Variants in TRIM37 observed in about 807,000 individuals in gnomAD.
TRIM37 encodes the protein E3 ubiquitin-protein ligase TRIM37.
TRIM37 carries 80 observed loss-of-function variants against 129.8 expected under a neutral mutation model. The observed-to-expected ratio is 0.62, with a 90% CI of 0.51 to 0.74. The LOEUF is 0.74. TRIM37 is among the 30% of genes least tolerant of loss of function. The probability of loss-of-function intolerance (pLI) is 0.00; values close to 1 mark genes in which losing one functional copy is unlikely to be tolerated. For synonymous variants in TRIM37, 389 were observed against 387.1 expected, an observed-to-expected ratio of 1.00 and a Z score of -0.06; for missense variants, 1,054 against 1,176.5, an observed-to-expected ratio of 0.90 and a Z score of 1.52.
At chr17:59,051,445 T>TA (rs2040337067) in intron 13 of TRIM37, 117 bp from the exon 14 acceptor site, 1 of 722,092 alleles carries the variant, frequency 1.4e-6, no homozygotes, top group Middle Eastern at 2.3e-4. Context: ...CACATAAACT[T>TA]AGAGCTGCTA....
In TRIM37 at chr17:59,049,495, T is replaced by C. The variant is rs2040146114; in HGVS notation, c.1315-102A>G. 36 of 1,036,526 alleles carry C rather than the reference T, an allele frequency of 3.5e-5. No individual in the cohort carries two copies. In the East Asian group the frequency reaches 8.9e-4, roughly 26 times the overall value. The allele number at this position is 1,036,526 out of a possible 1,614,324, so 64.2% of individuals were successfully genotyped here. On this transcript the variant is annotated intron_variant, in intron 14 of 23. Transcript: ENST00000262294. Reference sequence around the variant, plus strand: ...TGCATCCAGATGTTTCTAAAACCATTGCTTTATTTATTTTTTGAGAATGGT... The same window carrying C: ...TGCATCCAGATGTTTCTAAAACCATCGCTTTATTTATTTTTTGAGAATGGT...
At chr17:58,988,078 A>G (rs1441045104) in intron 24 of TRIM37, among the ~76,000 whole-genome samples, 2 of 152,216 alleles carry the variant, frequency 1.3e-5, no homozygotes, top group African/African-American at 4.8e-5. Context: ...CTGCAAGGGG[A>G]GAGAAGACAT....
chr17:59,097,668 A>T (rs891719133), intron 2 of TRIM37, among the ~76,000 whole-genome samples: 2 of 152,300 alleles, frequency 1.3e-5, no homozygotes, highest in African/African-American at 4.8e-5. Context: ...CAGGAAGTTG[A>T]GGCTGCAGTG....
chr17:59,077,253 C>T (rs925817643), intron 7 of TRIM37, among the ~76,000 whole-genome samples: 2 of 151,320 alleles, frequency 1.3e-5, no homozygotes, highest in Non-Finnish European at 2.9e-5. Flanking sequence ...CACTATCACA[C>T]CTGGCTAATT....
chr17:58,985,385 A>C (rs544097735), intron 24 of TRIM37, among the ~76,000 whole-genome samples: 2 of 152,320 alleles, frequency 1.3e-5, no homozygotes, highest in Admixed American at 1.3e-4. Context: ...TGTTCTCTTC[A>C]TTAGCTGAAC....
At chr17:58,983,248 G>A (rs981645554) in intron 24 of TRIM37, 28 of 223,470 alleles carry the variant, frequency 1.3e-4, no homozygotes, top group Non-Finnish European at 2.5e-4. Flanking sequence ...TAGTGTGGTC[G>A]TTATAAACCA....
intron 24 of TRIM37, among the ~76,000 whole-genome samples, chr17:58,988,656 T>C (rs2032046697): frequency 6.6e-6 from 1 of 152,058 alleles, no homozygotes; most frequent in African/African-American, 2.4e-5. Context: ...AGCAGAGTAT[T>C]TCCAGGAGGA....
chr17:59,014,573 G>C (rs1404525157), intron 21 of TRIM37, among the ~76,000 whole-genome samples: 1 of 151,982 alleles, frequency 6.6e-6, no homozygotes, highest in Admixed American at 6.6e-5. Context: ...TTTGATAACA[G>C]GAGAGAAGAA....
chr17:58,983,389 T>C (rs773357361), intron 24 of TRIM37: 71 of 154,114 alleles, frequency 4.6e-4, no homozygotes, highest in Non-Finnish European at 7.7e-4. Flanking sequence ...TGGTCTGATA[T>C]ATGCTGCTCT....
intron 13 of TRIM37, among the ~76,000 whole-genome samples, chr17:59,051,711 A>G (rs2040362541): frequency 6.6e-6 from 1 of 152,060 alleles, no homozygotes; most frequent in Non-Finnish European, 1.5e-5. Flanking sequence ...TCTTCCCTAA[A>G]TGAGGCCCCA....
intron 19 of TRIM37, among the ~76,000 whole-genome samples, chr17:59,021,914 T>C (rs1171718130): frequency 6.6e-6 from 1 of 151,668 alleles, no homozygotes; most frequent in Non-Finnish European, 1.5e-5. Context: ...CCCACAAAAA[T>C]TAAAAATTAA....
At chr17:59,101,695 T>TATATATAC (rs1405459768) in intron 2 of TRIM37, among the ~76,000 whole-genome samples, 1 of 89,670 alleles carries the variant, frequency 1.1e-5, no homozygotes, top group African/African-American at 4.3e-5. Flanking sequence ...TATATATATA[T>TATATATAC]ACACACACAC....
intron 3 of TRIM37, among the ~76,000 whole-genome samples, chr17:59,089,512 G>T (rs955134852): frequency 6.6e-6 from 1 of 151,962 alleles, no homozygotes; most frequent in African/African-American, 2.4e-5. Flanking sequence ...GTGGTGGCAC[G>T]TGCCTGTAAT....
chr17:58,991,168 T>C (rs2032357508), intron 24 of TRIM37, among the ~76,000 whole-genome samples: 1 of 134,456 alleles, frequency 7.4e-6, no homozygotes. Context: ...AGAGTGAAAC[T>C]CTGTCTCAAA....
chr17:59,051,456 G>A, intron 13 of TRIM37, 128 bp from the exon 14 acceptor site: 2 of 707,108 alleles, frequency 2.8e-6, no homozygotes, highest in Non-Finnish European at 5.1e-6. Context: ...AGAGCTGCTA[G>A]TATTTGTTGT....
At chr17:59,085,177 T>C (rs2147145743) in intron 4 of TRIM37, among the ~76,000 whole-genome samples, 1 of 152,050 alleles carries the variant, frequency 6.6e-6, no homozygotes, top group Non-Finnish European at 1.5e-5. Flanking sequence ...ATACAAAAAA[T>C]TAGCTGGGCG....
chr17:59,036,303 G>C (rs2038469800), intron 17 of TRIM37, among the ~76,000 whole-genome samples: 1 of 151,978 alleles, frequency 6.6e-6, no homozygotes, highest in African/African-American at 2.4e-5. Context: ...ACTGCTTTTA[G>C]TTTATTCAGT....
intron 24 of TRIM37, among the ~76,000 whole-genome samples, chr17:58,991,429 G>A (rs747459636): frequency 5.3e-5 from 8 of 151,916 alleles, no homozygotes; most frequent in Non-Finnish European, 7.4e-5. Flanking sequence ...CCAGCTACTC[G>A]GAAGGCTGAG....
chr17:59,032,487 T>TGCAGTCC (rs2037975771), intron 17 of TRIM37, among the ~76,000 whole-genome samples: 1 of 135,590 alleles, frequency 7.4e-6, no homozygotes, highest in Admixed American at 8.6e-5. Context: ...ATTGCGCCAC[T>TGCAGTCC]GCAGTCCGCA....
Sources: allele counts gnomAD v4.1 joint callset (sites outside exome capture counted in the v4.1 genomes callset), GRCh38; gene constraint gnomAD v4.1.1; transcripts MANE v1.5; gene names NCBI Gene and HGNC (gene_info 2026-07-23, HGNC 2026-07-21).